Variants in NUP214 observed in about 807,000 individuals in gnomAD.
NUP214 encodes the protein nuclear pore complex protein Nup214.
In NUP214, 79 loss-of-function variants were observed where a neutral mutation model predicts 196.2. That is an observed-to-expected ratio of 0.40 (90% CI 0.34 to 0.49). The LOEUF is 0.49. Ranked by LOEUF, NUP214 falls within the 20% of genes least tolerant of loss-of-function variation. NUP214 has a pLI of 0.58. For synonymous variants in NUP214, 1,020 were observed against 990.5 expected, an observed-to-expected ratio of 1.03 and a Z score of -0.56; for missense variants, 2,468 against 2,539.0, an observed-to-expected ratio of 0.97 and a Z score of 0.60.
rs764205331 is a variant in NUP214 at position 131,178,395 on chromosome 9, C to T, written c.3404C>T (p.Pro1135Leu). 6.2e-7 allele frequency: 1 copy of T among 1,612,656 alleles called. No individual in the cohort carries two copies. The highest frequency in any genetic ancestry group is 8.5e-7 in the Non-Finnish European group (1 of 1,178,836). The change falls in exon 24 of 36, where the codon CCT (proline) becomes CTT (leucine). Residue 1135 changes from proline (P) to leucine (L), a missense_variant. This residue lies in a region of NUP214 where 1,801 missense variants were observed against 1,779.4 expected (regional missense o/e 1.01). Coordinates refer to ENST00000359428, the MANE Select transcript of NUP214 (RefSeq NM_005085.4). ...GAATTGAAGAATAACCCTGCAACCC[C>T]TTCTACAGCCATGGGGTATGTTCTG... ...VQELKNNPAT[P>L]STAMGSSVPY...
chr9:131,212,329 A>G (rs1390512243), intron 30 of NUP214, among the ~76,000 whole-genome samples: 1 of 152,088 alleles, frequency 6.6e-6, no homozygotes. Context: ...GCTCTGCCCC[A>G]TTTGCCTTGT....
chr9:131,144,347 C>T lies in NUP214; in HGVS notation c.1362C>T (p.Ala454=). 1.9e-6 allele frequency: 3 copies of T among 1,614,170 alleles called. No individual in the cohort carries two copies. The highest frequency in any genetic ancestry group is 2.5e-6 in the Non-Finnish European group (3 of 1,180,038). Residue 454 remains alanine, a synonymous_variant, in exon 12 of 36, where the codon GCC becomes GCT. Transcript: ENST00000359428. ...PQKLDASAAA[A]PASLPPSSPA... The stretch of plus-strand genomic sequence containing the variant: ...AACTGGATGCTTCTGCAGCTGCAGC[C>T]CCTGCCTCTCTGCCACCTTCATCAC...
At chr9:131,199,362 G>A (rs913596084) in intron 29 of NUP214, among the ~76,000 whole-genome samples, 4 of 152,106 alleles carry the variant, frequency 2.6e-5, no homozygotes, top group Non-Finnish European at 4.4e-5. Flanking sequence ...AGGCACTGTA[G>A]AGATCATTAT....
intron 30 of NUP214, among the ~76,000 whole-genome samples, chr9:131,213,278 C>T (rs1223652305): frequency 5.3e-5 from 8 of 151,756 alleles, no homozygotes; most frequent in East Asian, 1.9e-4. Context: ...CGGGTTCAAG[C>T]GATTCTCCTG....
intron 14 of NUP214, among the ~76,000 whole-genome samples, chr9:131,148,896 A>G (rs1402447072): frequency 6.6e-6 from 1 of 151,850 alleles, no homozygotes; most frequent in Non-Finnish European, 1.5e-5. Context: ...AATATAATTA[A>G]GTATATCAGT....
chr9:131,199,561 TA>T (rs764668972), intron 29 of NUP214, among the ~76,000 whole-genome samples: 1 of 152,232 alleles, frequency 6.6e-6, no homozygotes, highest in South Asian at 2.1e-4. Context: ...TTTTCAGTGT[TA>T]TGACTTTTTG....
chr9:131,165,572 C>T (rs1243697961), intron 21 of NUP214, among the ~76,000 whole-genome samples: 1 of 152,020 alleles, frequency 6.6e-6, no homozygotes, highest in Non-Finnish European at 1.5e-5. Flanking sequence ...GGTGGTTCCT[C>T]AAAAAATTAA....
At chr9:131,227,476 G>A (rs1564221849) in intron 32 of NUP214, among the ~76,000 whole-genome samples, 1 of 150,550 alleles carries the variant, frequency 6.6e-6, no homozygotes. Flanking sequence ...CAGGAAAAAA[G>A]CATTTAAAAA....
chr9:131,213,446 A>G (rs1834303277), intron 30 of NUP214, among the ~76,000 whole-genome samples: 1 of 152,184 alleles, frequency 6.6e-6, no homozygotes, highest in African/African-American at 2.4e-5. Flanking sequence ...AAGTGCTGGC[A>G]TTATGGGCAT....
intron 17 of NUP214, among the ~76,000 whole-genome samples, chr9:131,157,123 C>T (rs1447745796): frequency 6.7e-6 from 1 of 150,150 alleles, no homozygotes; most frequent in Non-Finnish European, 1.5e-5. Flanking sequence ...CAAGTGTACG[C>T]TACCACGTTT....
chr9:131,215,330 G>A lies in NUP214; in HGVS notation c.5711G>A (p.Ser1904Asn). The change falls in exon 31 of 36, where the codon AGC (serine) becomes AAC (asparagine). Residue 1904 changes from serine (S) to asparagine (N), a missense_variant. Physicochemically the swap from Ser to Asn is conservative, Grantham distance 46 (BLOSUM62 1). This residue lies in a region of NUP214 where 262 missense variants were observed against 296.5 expected (regional missense o/e 0.88). Coordinates refer to ENST00000359428, the MANE Select transcript of NUP214 (RefSeq NM_005085.4). ...SQDAANKNPF[S>N]SASGGFGSTA... is the part of the protein sequence containing the mutation. ...GATGCAGCCAACAAAAACCCATTCA[G>A]CTCGGCCAGTGGGGGCTTTGGATCC... is the stretch of plus-strand genomic sequence containing the variant. 5 of 1,604,198 alleles carry A rather than the reference G, an allele frequency of 3.1e-6. No individual in the cohort carries two copies. The highest frequency in any genetic ancestry group is 4.3e-6 in the Non-Finnish European group (5 of 1,175,324).
chr9:131,134,373 A>G (rs939239613), intron 7 of NUP214, among the ~76,000 whole-genome samples: 1 of 152,184 alleles, frequency 6.6e-6, no homozygotes, highest in African/African-American at 2.4e-5. Context: ...GTGTCAAGGG[A>G]GGCCAATTTG....
chr9:131,128,016 T>C (rs1324145222), intron 2 of NUP214, among the ~76,000 whole-genome samples: 1 of 152,204 alleles, frequency 6.6e-6, no homozygotes, highest in African/African-American at 2.4e-5. Flanking sequence ...TTTATTGGCA[T>C]GGGTTTTCAG....
intron 21 of NUP214, chr9:131,167,382 A>C (rs1474647139): frequency 6.6e-6 from 1 of 151,966 alleles, no homozygotes; most frequent in Non-Finnish European, 1.5e-5. Context: ...TTGTTTATTC[A>C]TTTTCCTGTT....
In NUP214 at chr9:131,199,912, A is replaced by C. The variant is rs75603275; in HGVS notation, c.5521+897A>C. 2.7e-3 allele frequency among the ~76,000 whole-genome samples: 415 copies of C among 152,242 alleles called. 4 individuals carry two copies. Among genetic ancestry groups the C allele is most frequent in the African/African-American group, 9.8e-3 (406 of 41,578 alleles). On this transcript the variant is annotated intron_variant, in intron 29 of 35. Transcript: ENST00000359428. The stretch of plus-strand genomic sequence containing the variant: ...TGTTACACTCCTCCTAAATTCAGCT[A>C]TAAGGACACGGTGTTGAAAAGACAG...
intron 3 of NUP214, 86 bp downstream of exon 3, chr9:131,128,569 T>G: frequency 2.5e-6 from 3 of 1,213,136 alleles, no homozygotes; most frequent in Non-Finnish European, 3.4e-6. Flanking sequence ...GCTTCATAGG[T>G]TAACCCTTGA....
chr9:131,225,312 G>A (rs55756458), intron 32 of NUP214, among the ~76,000 whole-genome samples: 1,665 of 152,248 alleles, frequency 0.011, 22 homozygotes, highest in Non-Finnish European at 0.015. Context: ...CCAGCTCCTC[G>A]GGAGACTGAG....
At chr9:131,134,002 A>G (rs765984883) in intron 7 of NUP214, among the ~76,000 whole-genome samples, 1 of 152,154 alleles carries the variant, frequency 6.6e-6, no homozygotes, top group Non-Finnish European at 1.5e-5. Context: ...GCTGGCATGT[A>G]GTGGTGCGAT....
Position 131,130,751 on chromosome 9 carries a change from A to G in NUP214, c.593-15A>G, listed in dbSNP as rs1487085089. Reference sequence around the variant, plus strand: ...CATTTTCTTGTTTTCATTTGGTAATACTGTCTTTGCTCAGTGTGCTGGAGC... The same window carrying G: ...CATTTTCTTGTTTTCATTTGGTAATGCTGTCTTTGCTCAGTGTGCTGGAGC... On this transcript the variant is annotated splice_polypyrimidine_tract_variant and intron_variant, in intron 4 of 35. Transcript: ENST00000359428. 6.2e-7 allele frequency: 1 copy of G among 1,613,050 alleles called. No individual in the cohort carries two copies. The highest frequency in any genetic ancestry group is 8.5e-7 in the Non-Finnish European group (1 of 1,179,256).
Sources: gnomAD v4.1 joint callset for allele counts (sites outside exome capture counted in the v4.1 genomes callset) on GRCh38, gnomAD v4.1.1 for gene constraint, gnomAD v4.1.1 regional missense constraint, MANE v1.5 for transcripts, NCBI Gene and HGNC (gene_info 2026-07-23, HGNC 2026-07-21) for gene names.